Variants in SEMA6D observed in about 807,000 individuals in gnomAD.
The protein encoded by SEMA6D is semaphorin-6D.
SEMA6D carries 35 observed loss-of-function variants against 106.6 expected under a neutral mutation model. The observed-to-expected ratio is 0.33, with a 90% CI of 0.25 to 0.44. SEMA6D has a LOEUF of 0.44. SEMA6D is among the 20% of genes least tolerant of loss of function. The probability of loss-of-function intolerance (pLI) is 1.00; values close to 1 mark genes in which losing one functional copy is unlikely to be tolerated. For synonymous variants in SEMA6D, 499 were observed against 487.7 expected (o/e 1.02, Z -0.31); for missense variants, 1,185 against 1,345.9 (o/e 0.88, Z 1.87).
intron 4 of SEMA6D, among the ~76,000 whole-genome samples, chr15:47,619,656 G>C (rs1487611724): frequency 6.6e-6 from 1 of 152,192 alleles, no homozygotes; most frequent in Non-Finnish European, 1.5e-5. Flanking sequence ...CCAGAAGTCT[G>C]TTTTTAACAA....
chr15:47,568,042 A>T (rs898241177), intron 3 of SEMA6D, among the ~76,000 whole-genome samples: 1 of 152,176 alleles, frequency 6.6e-6, no homozygotes, highest in African/African-American at 2.4e-5. Flanking sequence ...TTTTTAAAAC[A>T]ATTTAAAACT....
intron 4 of SEMA6D, among the ~76,000 whole-genome samples, chr15:47,688,990 A>G (rs1384177030): frequency 6.6e-6 from 1 of 152,200 alleles, no homozygotes; most frequent in Admixed American, 6.5e-5. Context: ...ATCATGGATA[A>G]ACAATTTTGA....
chr15:47,220,612 T>C (rs2031106570), intron 1 of SEMA6D, among the ~76,000 whole-genome samples: 1 of 152,154 alleles, frequency 6.6e-6, no homozygotes, highest in Non-Finnish European at 1.5e-5. Context: ...AATTGTCTTA[T>C]TAAAAAACAG....
chr15:47,544,436 G>T (rs2045454229), intron 3 of SEMA6D, among the ~76,000 whole-genome samples: 1 of 152,200 alleles, frequency 6.6e-6, no homozygotes, highest in East Asian at 1.9e-4. Context: ...TATTTGTCAA[G>T]CACTGTGCTG....
intron 4 of SEMA6D, among the ~76,000 whole-genome samples, chr15:47,691,344 C>G (rs1450580530): frequency 6.6e-6 from 1 of 152,102 alleles, no homozygotes; most frequent in Non-Finnish European, 1.5e-5. Flanking sequence ...CATGTTGTTT[C>G]TCCTTTGGAT....
chr15:47,270,687 A>G (rs2034520853), intron 1 of SEMA6D, among the ~76,000 whole-genome samples: 1 of 152,124 alleles, frequency 6.6e-6, no homozygotes, highest in Non-Finnish European at 1.5e-5. Flanking sequence ...GGATCAACCC[A>G]TCGTTTTAAA....
At chr15:47,676,607 A>G (rs1324914610) in intron 4 of SEMA6D, among the ~76,000 whole-genome samples, 1 of 152,158 alleles carries the variant, frequency 6.6e-6, no homozygotes, top group Non-Finnish European at 1.5e-5. Flanking sequence ...ACTGAGATTA[A>G]TGGCTCTCAC....
intron 1 of SEMA6D, among the ~76,000 whole-genome samples, chr15:47,348,672 A>ATC (rs1158312770): frequency 3.3e-4 from 23 of 70,578 alleles, no homozygotes; most frequent in Non-Finnish European, 6.1e-4. Flanking sequence ...TCAAGAGTAC[A>ATC]TCACACACAC....
At chr15:47,214,690 A>G (rs921371928) in intron 1 of SEMA6D, among the ~76,000 whole-genome samples, 5 of 152,188 alleles carry the variant, frequency 3.3e-5, no homozygotes, top group African/African-American at 9.7e-5. Context: ...ATAAATAACC[A>G]TCTACAAAAA....
intron 1 of SEMA6D, among the ~76,000 whole-genome samples, chr15:47,739,468 G>C (rs1423233825): frequency 6.6e-6 from 1 of 152,144 alleles, no homozygotes; most frequent in Admixed American, 6.5e-5. Flanking sequence ...TCAGGTCTCA[G>C]GGCTTTTAAT....
intron 4 of SEMA6D, among the ~76,000 whole-genome samples, chr15:47,654,004 G>A (rs1211353961): frequency 2.0e-5 from 3 of 152,146 alleles, no homozygotes; most frequent in Non-Finnish European, 2.9e-5. Flanking sequence ...CCCTAGCCTT[G>A]GGGATTTATA....
At chr15:47,205,180 A>G (rs1894973264) in intron 1 of SEMA6D, among the ~76,000 whole-genome samples, 2 of 152,176 alleles carry the variant, frequency 1.3e-5, no homozygotes, top group Admixed American at 1.3e-4. Flanking sequence ...ACCAGTTCCA[A>G]TCATTGTAGA....
chr15:47,498,214 A>G (rs1471752222), intron 3 of SEMA6D, among the ~76,000 whole-genome samples: 1 of 152,132 alleles, frequency 6.6e-6, no homozygotes, highest in Non-Finnish European at 1.5e-5. Context: ...TGACCTGATT[A>G]TAACCTGGAT....
At chr15:47,484,043 C>G (rs1182979154) in intron 3 of SEMA6D, among the ~76,000 whole-genome samples, 1 of 152,132 alleles carries the variant, frequency 6.6e-6, no homozygotes, top group Non-Finnish European at 1.5e-5. Flanking sequence ...GCTTATCTCA[C>G]CAAACTGCAG....
intron 1 of SEMA6D, among the ~76,000 whole-genome samples, chr15:47,398,307 A>C (rs1022771894): frequency 1.8e-4 from 28 of 152,300 alleles, no homozygotes; most frequent in African/African-American, 6.7e-4. Context: ...CTTTCTTCTT[A>C]TCTGATCTGG....
chr15:47,200,227 C>T (rs1369240008), intron 1 of SEMA6D, among the ~76,000 whole-genome samples: 1 of 152,086 alleles, frequency 6.6e-6, no homozygotes, highest in Non-Finnish European at 1.5e-5. Flanking sequence ...GATTTAGCTC[C>T]CCTTGCTTCC....
chr15:47,251,137 G>A (rs1032699637), intron 1 of SEMA6D, among the ~76,000 whole-genome samples: 18 of 152,268 alleles, frequency 1.2e-4, no homozygotes, highest in South Asian at 1.0e-3. Flanking sequence ...GCAAATAAAA[G>A]TAGTCAGAAG....
chr15:47,500,048 T>C (rs560152631), intron 3 of SEMA6D, among the ~76,000 whole-genome samples: 53 of 152,298 alleles, frequency 3.5e-4, no homozygotes, highest in Non-Finnish European at 5.6e-4. Context: ...GACACTGCAA[T>C]ACTACTAGAC....
At chr15:47,569,824 A>G (rs1329876811) in intron 3 of SEMA6D, among the ~76,000 whole-genome samples, 2 of 152,076 alleles carry the variant, frequency 1.3e-5, no homozygotes, top group African/African-American at 4.8e-5. Flanking sequence ...ACTTTGGGAG[A>G]ACAAGGCGGG....
Sources: gnomAD v4.1 joint callset for allele counts (sites outside exome capture counted in the v4.1 genomes callset) on GRCh38, gnomAD v4.1.1 for gene constraint, MANE v1.5 for transcripts, NCBI Gene and HGNC (gene_info 2026-07-23, HGNC 2026-07-21) for gene names.